Variants in SCRIB observed in about 807,000 individuals in gnomAD.
SCRIB encodes the protein protein scribble homolog.
A neutral mutation model predicts 170.0 loss-of-function variants in SCRIB; 72 were observed. The ratio of observed to expected loss-of-function variants is 0.42; its 90% CI spans 0.35 to 0.52. The LOEUF (loss-of-function observed/expected upper bound fraction) is 0.52. Among genes scored for constraint, SCRIB ranks in the 20% least tolerant of loss-of-function variants. The pLI is 0.02. For missense variants in SCRIB, 2,475 were observed against 2,338.5 expected (o/e 1.06, Z -1.20); for synonymous variants, 1,298 against 1,044.3 (o/e 1.24, Z -4.68).
At chr8:143,804,515 C>G (rs1216732560) in intron 21 of SCRIB, 53 bp downstream of exon 21, 8 of 1,472,832 alleles carry the variant, frequency 5.4e-6, no homozygotes, top group Non-Finnish European at 7.2e-6. Flanking sequence ...CTGGGAAGGC[C>G]AGTGCCCACA....
chr8:143,794,551 G>A (rs533297066), intron 27 of SCRIB, among the ~76,000 whole-genome samples: 76 of 152,224 alleles, frequency 5.0e-4, no homozygotes, highest in African/African-American at 1.4e-3. Flanking sequence ...ACTCACGTTC[G>A]GTGGGGCTGG....
chr8:143,812,982 A>T (rs1365313976), intron 7 of SCRIB, 21 bp from the exon 8 acceptor site: 8 of 1,612,152 alleles, frequency 5.0e-6, no homozygotes, highest in Non-Finnish European at 6.8e-6. Context: ...GCAGAGAGTC[A>T]GAGCGCGGAT....
chr8:143,804,686 G>C lies in SCRIB; in HGVS notation c.2891C>G (p.Pro964Arg), dbSNP rs1554635918. ...GGTGGTGGCAACAGCAGCGGTGGGG[G>C]GTGAGGAATGTGGCAGAGGGCTGGG... The part of the protein sequence containing the change: ...LPPSPLPHSS[P>R]PTAAVATTSI... The change falls in exon 21 of 37, where the codon CCC becomes CGC. Residue 964 changes from proline to arginine, a missense_variant. Physicochemically the swap from Pro to Arg is moderately radical, Grantham distance 103. Coordinates refer to ENST00000356994, the MANE Select transcript of SCRIB (RefSeq NM_182706.5). The C allele has an allele frequency of 2.6e-6, 4 of 1,566,048 alleles. No individual in the cohort carries two copies. Among genetic ancestry groups the C allele is most frequent in the African/African-American group, 1.3e-5 (1 of 74,240 alleles).
chr8:143,808,796 C>T lies in SCRIB; in HGVS notation c.1928G>A (p.Gly643Glu), dbSNP rs888617776. 6 of 1,611,690 alleles carry T rather than the reference C, an allele frequency of 3.7e-6. No individual in the cohort carries two copies. The African/African-American group carries it at 6.7e-5, about 18-fold the overall frequency. ...QPDGEGPVAP[G>E]GWHNGPHAPW... is the part of the protein sequence containing the mutation. ...TGCGTGGGGGCCATTGTGCCAGCCCCCGGGAGCCACAGGGCCCTCCCCATC... is the reference window on the plus strand; with the variant it reads ...TGCGTGGGGGCCATTGTGCCAGCCCTCGGGAGCCACAGGGCCCTCCCCATC... Residue 643 changes from glycine to glutamate, a missense_variant, in exon 15 of 37, where the codon GGG (glycine) becomes GAG (glutamate). Gly to Glu is a moderately conservative substitution (Grantham distance 98, BLOSUM62 -2). This residue lies in a region of SCRIB where 1,966 missense variants were observed against 1,742.9 expected (regional missense o/e 1.13). Transcript: ENST00000356994.
intron 24 of SCRIB, among the ~76,000 whole-genome samples, chr8:143,799,578 G>C (rs552068120): frequency 1.1e-4 from 17 of 152,352 alleles, no homozygotes; most frequent in African/African-American, 3.8e-4. Flanking sequence ...GGTTTGCGCA[G>C]GGGTCGGCGC....
Position 143,803,808 on chromosome 8 carries a change from G to A in SCRIB, c.3253C>T (p.Leu1085=), listed in dbSNP as rs1815281167. 1 of 1,604,276 alleles carries A rather than the reference G, an allele frequency of 6.2e-7. No homozygotes were observed. The part of the protein sequence containing the change: ...VSALLRPCLE[L]SLLVRRDPAP... ...GGGTCCCTCCGCACCAGCAGCGACAGCTCCAGGCAGGGCCGGAGCAGGGCA... is the reference window on the plus strand; with the variant it reads ...GGGTCCCTCCGCACCAGCAGCGACAACTCCAGGCAGGGCCGGAGCAGGGCA... The change falls in exon 23 of 37, where the codon CTG becomes TTG. Residue 1085 remains leucine (L), a synonymous_variant. Transcript: ENST00000356994.
chr8:143,792,432 G>A (rs1387033456), intron 31 of SCRIB, 27 bp from the exon 32 acceptor site: 3 of 1,508,204 alleles, frequency 2.0e-6, no homozygotes, highest in Non-Finnish European at 2.7e-6. Flanking sequence ...ACGTGCTGTG[G>A]GGGGCAGGGG....
intron 21 of SCRIB, 50 bp from the exon 22 acceptor site, chr8:143,804,206 G>A (rs782630930): frequency 8.0e-5 from 108 of 1,348,602 alleles, no homozygotes; most frequent in Non-Finnish European, 1.0e-4. Context: ...GACAGGGAAA[G>A]GGTGTGGGAG....
chr8:143,791,822 AC>A (rs143315468), intron 34 of SCRIB, 53 bp downstream of exon 34: 7 of 1,244,796 alleles, frequency 5.6e-6, no homozygotes, highest in Non-Finnish European at 7.4e-6. Flanking sequence ...GGCAGGCCAG[AC>A]CCCACCCCCA....
At position 143,815,534 on chromosome 8, in the gene SCRIB, C is replaced by T. The variant is rs982412656; in HGVS notation, c.-162G>A. ...ACGCGGCCGCGGCCGGCGCTGGGCC[C>T]GGCCCGCGCTCGGAACGCTCGGACT... On this transcript the variant is annotated 5_prime_UTR_variant, in exon 1 of 37. Transcript: ENST00000356994. 1.1e-5 allele frequency: 11 copies of T among 979,848 alleles called. No homozygotes were observed. The highest frequency in any genetic ancestry group is 1.3e-5 in the Non-Finnish European group (11 of 827,814). 60.7% of individuals were successfully genotyped at this position (979,848 alleles called of 1,614,324 possible).
In SCRIB at chr8:143,811,050, G is replaced by C; in HGVS notation, c.1129C>G (p.Leu377Val). 6.2e-7 allele frequency: 1 copy of C among 1,612,152 alleles called. No homozygotes were observed. The highest frequency in any genetic ancestry group is 8.5e-7 in the Non-Finnish European group (1 of 1,179,584). Residue 377 changes from leucine to valine, a missense_variant, in exon 11 of 37, where the codon CTC becomes GTC. By Grantham distance (32) the Leu-to-Val change is conservative (BLOSUM62 1). This residue lies in a region of SCRIB where 487 missense variants were observed against 558.1 expected (regional missense o/e 0.87). Coordinates refer to ENST00000356994, the MANE Select transcript of SCRIB (RefSeq NM_182706.5). Reference protein sequence around the residue: ...GNRLQSLPFALTHLNLKALWL... With the variant: ...GNRLQSLPFAVTHLNLKALWL... ...AGGGCCTTGAGATTGAGGTGGGTGA[G>C]CGCGAACGGCAGACTCTGCAGGCTG...
At chr8:143,809,111 G>A (rs953088698) in intron 14 of SCRIB, 86 bp from the exon 15 acceptor site, 30 of 1,474,206 alleles carry the variant, frequency 2.0e-5, no homozygotes, top group South Asian at 1.6e-4. Flanking sequence ...GGCCACAGAC[G>A]GGCTCCGAAA....
chr8:143,792,946 G>A (rs781876439), intron 29 of SCRIB, 30 bp downstream of exon 29: 61 of 1,499,780 alleles, frequency 4.1e-5, no homozygotes, highest in African/African-American at 1.1e-4. Context: ...CCAACCACGC[G>A]CAGCAGGGAG....
chr8:143,807,561 C>T lies in SCRIB; in HGVS notation c.2169G>A (p.Glu723=), dbSNP rs781812774. 9 of 1,613,750 alleles carry T rather than the reference C, an allele frequency of 5.6e-6. No individual in the cohort carries two copies. Among genetic ancestry groups the T allele is most frequent in the East Asian group, 4.5e-5 (2 of 44,882 alleles). Residue 723 remains glutamate (E), a synonymous_variant, in exon 16 of 37, where the codon GAG becomes GAA. Coordinates refer to ENST00000356994, the MANE Select transcript of SCRIB (RefSeq NM_182706.5). ...NNLLIEPARI[E]EEELTLTILR... ...AGCGAGCAGTACAGACCTCTTCCTC[C>T]TCAATGCGAGCAGGCTCTATCAGCA...
chr8:143,791,481 G>T (rs1554632606), intron 35 of SCRIB, 41 bp from the exon 36 acceptor site: 1 of 1,603,954 alleles, frequency 6.2e-7, no homozygotes, highest in African/African-American at 1.3e-5. Context: ...TGCCAGCCCT[G>T]CCCCAAACCA....
At chr8:143,811,639 G>A (rs1815728079) in intron 9 of SCRIB, among the ~76,000 whole-genome samples, 1 of 152,106 alleles carries the variant, frequency 6.6e-6, no homozygotes, top group Non-Finnish European at 1.5e-5. Flanking sequence ...CTGCGAGGCT[G>A]CGCCCTGTGA....
At position 143,800,857 on chromosome 8, in the gene SCRIB, G is replaced by A. The variant is rs1346866852; in HGVS notation, c.3603+2526C>T. On this transcript the variant is annotated intron_variant, in intron 24 of 36. Coordinates refer to ENST00000356994, the MANE Select transcript of SCRIB (RefSeq NM_182706.5). The stretch of plus-strand genomic sequence containing the variant: ...TGCCGCTACTCCAGCCTGGGCGACA[G>A]AGCGAGACCCTTTCTCAAAATATGT... Among the ~76,000 whole-genome samples, 8 of 152,268 alleles carry A rather than the reference G, an allele frequency of 5.3e-5. No individual in the cohort carries two copies. The East Asian group carries it at 1.6e-3, about 30-fold the overall frequency.
intron 9 of SCRIB, among the ~76,000 whole-genome samples, chr8:143,811,961 C>T (rs1450067487): frequency 2.6e-5 from 4 of 152,212 alleles, no homozygotes; most frequent in South Asian, 4.1e-4. Flanking sequence ...CATCTGTCTT[C>T]CCTACAGACA....
Position 143,815,681 on chromosome 8 carries a change from G to A in SCRIB, c.-309C>T, listed in dbSNP as rs1816065269. 5.1e-6 allele frequency: 5 copies of A among 982,648 alleles called. No individual in the cohort carries two copies. In the South Asian group the frequency reaches 2.4e-4, roughly 46 times the overall value. The allele number at this position is 982,648 out of a possible 1,614,324, so 60.9% of individuals were successfully genotyped here. ...CTCAGCTCGTCCCGCCCGCTCGTCC[G>A]CCCGCTGTGCCGCACCGGAACCGCC... On this transcript the variant is annotated 5_prime_UTR_variant, in exon 1 of 37. Transcript: ENST00000356994.
Sources: allele counts gnomAD v4.1 joint callset (sites outside exome capture counted in the v4.1 genomes callset), GRCh38; gene constraint gnomAD v4.1.1; regional missense constraint gnomAD v4.1.1; transcripts MANE v1.5; gene names NCBI Gene and HGNC (gene_info 2026-07-23, HGNC 2026-07-21).